SDK1: variants seen among roughly 807,000 people sequenced by gnomAD.
The protein encoded by SDK1 is protein sidekick-1.
Under a neutral mutation model 245.5 loss-of-function variants are expected in SDK1, and 157 were observed. The observed-to-expected ratio is 0.64, with a 90% CI of 0.56 to 0.73. SDK1 has a LOEUF of 0.73. SDK1 is among the 30% of genes least tolerant of loss of function. SDK1 has a pLI of 0.00. For synonymous variants in SDK1, 1,647 were observed against 1,278.5 expected (o/e 1.29, Z -6.15); for missense variants, 3,583 against 3,002.3 (o/e 1.19, Z -4.52).
intron 1 of SDK1, among the ~76,000 whole-genome samples, chr7:3,387,003 G>T (rs1047329485): frequency 6.6e-6 from 1 of 152,154 alleles, no homozygotes; most frequent in Non-Finnish European, 1.5e-5. Flanking sequence ...TTCATCTTCA[G>T]TTAGTTGAGA....
Position 3,694,879 on chromosome 7 carries a change from T to C in SDK1, c.713+52774T>C, listed in dbSNP as rs115680336. On this transcript the variant is annotated intron_variant, in intron 4 of 44. Transcript: ENST00000404826. Reference sequence around the variant, plus strand: ...TGATTTGTTCTGTGGAATGAGAAGCTAACAAACACACGTACAAACACACAA... The same window carrying C: ...TGATTTGTTCTGTGGAATGAGAAGCCAACAAACACACGTACAAACACACAA... 4.2e-3 allele frequency among the ~76,000 whole-genome samples: 647 copies of C among 152,286 alleles called. 5 individuals carry two copies. Among genetic ancestry groups the C allele is most frequent in the African/African-American group, 0.015 (605 of 41,550 alleles).
chr7:4,022,609 A>T (rs748032255), intron 17 of SDK1, among the ~76,000 whole-genome samples: 1 of 152,058 alleles, frequency 6.6e-6, no homozygotes, highest in Non-Finnish European at 1.5e-5. Flanking sequence ...TGTCTGCTGC[A>T]GGGGGAGGTA....
chr7:4,161,664 C>T (rs1211681089), intron 31 of SDK1, 122 bp from the exon 32 acceptor site: 5 of 753,366 alleles, frequency 6.6e-6, no homozygotes, highest in Non-Finnish European at 1.2e-5. Flanking sequence ...AGAAGGGGAC[C>T]CCTGGAGAAG....
chr7:3,777,298 T>C (rs1430196180), intron 4 of SDK1, among the ~76,000 whole-genome samples: 2 of 152,230 alleles, frequency 1.3e-5, no homozygotes, highest in East Asian at 1.9e-4. Flanking sequence ...TTTGCCCTTA[T>C]TGGCATCCTG....
At chr7:3,820,093 G>A (rs1234563522) in intron 4 of SDK1, among the ~76,000 whole-genome samples, 1 of 152,124 alleles carries the variant, frequency 6.6e-6, no homozygotes, top group Non-Finnish European at 1.5e-5. Context: ...TGCTCAGAAT[G>A]CATCTTACCT....
chr7:4,170,438 T>G (rs1781766650), intron 32 of SDK1, among the ~76,000 whole-genome samples: 2 of 151,732 alleles, frequency 1.3e-5, no homozygotes, highest in Admixed American at 6.6e-5. Context: ...CAGGGTGAGA[T>G]CCTGTCTCAA....
chr7:3,566,567 C>T (rs1048530539), intron 1 of SDK1, among the ~76,000 whole-genome samples: 1 of 151,954 alleles, frequency 6.6e-6, no homozygotes, highest in African/African-American at 2.4e-5. Context: ...GAAAATTGAT[C>T]CACTTGATTT....
At chr7:3,676,608 A>G (rs1357040096) in intron 4 of SDK1, among the ~76,000 whole-genome samples, 2 of 151,958 alleles carry the variant, frequency 1.3e-5, no homozygotes, top group Admixed American at 6.5e-5. Flanking sequence ...TACAGGCGTG[A>G]GCCACCACGC....
chr7:3,923,085 A>C (rs1779650073), intron 5 of SDK1, among the ~76,000 whole-genome samples: 1 of 152,258 alleles, frequency 6.6e-6, no homozygotes, highest in African/African-American at 2.4e-5. Flanking sequence ...TTCTCATCTG[A>C]AAGTAGTCTT....
intron 1 of SDK1, among the ~76,000 whole-genome samples, chr7:3,615,998 C>T (rs1781758633): frequency 6.6e-6 from 1 of 152,080 alleles, no homozygotes; most frequent in Non-Finnish European, 1.5e-5. Context: ...AATCCCTCCA[C>T]CTCAGCTTCC....
intron 1 of SDK1, among the ~76,000 whole-genome samples, chr7:3,371,337 G>A (rs1035327575): frequency 1.1e-4 from 16 of 152,112 alleles, no homozygotes; most frequent in African/African-American, 2.2e-4. Context: ...AGCATGTGGC[G>A]TAGGAAAAAA....
intron 32 of SDK1, among the ~76,000 whole-genome samples, chr7:4,168,406 T>C (rs1781630601): frequency 6.6e-6 from 1 of 152,240 alleles, no homozygotes. Flanking sequence ...ATCATCTCAT[T>C]CGCCTAGGCT....
At chr7:3,741,132 T>A (rs1209375458) in intron 4 of SDK1, among the ~76,000 whole-genome samples, 2 of 152,224 alleles carry the variant, frequency 1.3e-5, no homozygotes, top group Non-Finnish European at 2.9e-5. Context: ...CCACCTCCTG[T>A]ATACCAAGTG....
rs536252019 is a variant in SDK1 at position 3,909,466 on chromosome 7, G to T, written c.848-41457G>T. Among the ~76,000 whole-genome samples, 12 of 152,214 alleles carry T rather than the reference G, an allele frequency of 7.9e-5. No individual in the cohort carries two copies. In the East Asian group the frequency reaches 2.3e-3, roughly 29 times the overall value. On this transcript the variant is annotated intron_variant, in intron 5 of 44. Coordinates refer to ENST00000404826, the MANE Select transcript of SDK1 (RefSeq NM_152744.4). ...TCCTCCAGTTGTGGCCTCTGCTCAG[G>T]TTCATATGGCCACACAGCAACACTG...
intron 7 of SDK1, among the ~76,000 whole-genome samples, 173 bp from the exon 8 acceptor site, chr7:3,958,758 G>A (rs968008833): frequency 6.6e-6 from 1 of 152,176 alleles, no homozygotes; most frequent in African/African-American, 2.4e-5. Context: ...ACCCCAGACT[G>A]TAAATTGCCT....
chr7:3,738,738 G>T (rs114632689), intron 4 of SDK1, among the ~76,000 whole-genome samples: 3 of 151,784 alleles, frequency 2.0e-5, no homozygotes, highest in Non-Finnish European at 4.4e-5. Flanking sequence ...AGTATGAGTC[G>T]TTTGCCTCCT....
chr7:3,674,580 G>A (rs1783830076), intron 4 of SDK1, among the ~76,000 whole-genome samples: 1 of 152,096 alleles, frequency 6.6e-6, no homozygotes, highest in Admixed American at 6.5e-5. Context: ...GGCTGTTTGG[G>A]GATTCATATA....
chr7:3,973,335 T>A (rs554087877), intron 12 of SDK1, among the ~76,000 whole-genome samples: 1 of 152,214 alleles, frequency 6.6e-6, no homozygotes, highest in African/African-American at 2.4e-5. Flanking sequence ...CTGGGCACAT[T>A]TGCAAAACCC....
At chr7:3,663,698 C>T (rs1002379813) in intron 4 of SDK1, among the ~76,000 whole-genome samples, 9 of 152,092 alleles carry the variant, frequency 5.9e-5, no homozygotes, top group African/African-American at 2.2e-4. Flanking sequence ...GGCTGGCCAC[C>T]CTACTTGTTT....
Sources: allele counts gnomAD v4.1 joint callset (sites outside exome capture counted in the v4.1 genomes callset), GRCh38; gene constraint gnomAD v4.1.1; transcripts MANE v1.5; gene names NCBI Gene and HGNC (gene_info 2026-07-23, HGNC 2026-07-21).